STN1: variants seen among roughly 807,000 people sequenced by gnomAD.
The protein encoded by STN1 is STN1 subunit of CST complex.
A neutral mutation model predicts 45.5 loss-of-function variants in STN1; 29 were observed. The ratio of observed to expected loss-of-function variants is 0.64; its 90% CI spans 0.47 to 0.87. The LOEUF is 0.87. Ranked by LOEUF, STN1 falls within the 40% of genes least tolerant of loss-of-function variation. The pLI is 0.00. For missense variants in STN1, 376 were observed against 441.4 expected (o/e 0.85, Z 1.33); for synonymous variants, 148 against 159.0 (o/e 0.93, Z 0.52).
intron 4 of STN1, among the ~76,000 whole-genome samples, chr10:103,903,963 A>G (rs1263616096): frequency 2.0e-5 from 3 of 152,190 alleles, no homozygotes; most frequent in Non-Finnish European, 2.9e-5. Flanking sequence ...CCAAAGTTAC[A>G]TGAAACTGAT....
intron 4 of STN1, among the ~76,000 whole-genome samples, chr10:103,903,589 G>A (rs1843223310): frequency 1.3e-5 from 2 of 152,100 alleles, no homozygotes; most frequent in South Asian, 4.1e-4. Flanking sequence ...GCCATGTGAG[G>A]AACAGTTCTC....
Position 103,882,753 on chromosome 10 carries a change from T to G in STN1, c.1038A>C (p.Gln346His), listed in dbSNP as rs1843077544. The G allele has an allele frequency of 6.2e-7, 1 of 1,614,202 alleles. No homozygotes were observed. Among genetic ancestry groups the G allele is most frequent in the Non-Finnish European group, 8.5e-7 (1 of 1,180,042 alleles). ...TCTGGTCCTCCAGGAGCTCCAGAAC[T>G]TGCTGCAGCACAGCCTCGCTCAGGC... ...RPGLSEAVLQ[Q>H]VLELLEDQSD... is the part of the protein sequence containing the mutation. Residue 346 changes from glutamine to histidine, a missense_variant, in exon 10 of 10, where the codon CAA becomes CAC. Gln to His is a conservative substitution (Grantham distance 24, BLOSUM62 0). Coordinates refer to ENST00000224950, the MANE Select transcript of STN1 (RefSeq NM_024928.5).
At chr10:103,914,374 A>ATATAT (rs1554837551) in intron 2 of STN1, among the ~76,000 whole-genome samples, 6 of 97,364 alleles carry the variant, frequency 6.2e-5, no homozygotes, top group African/African-American at 2.9e-4. Flanking sequence ...ATATATATAT[A>ATATAT]TTTTTTTTTT....
rs1843178655 is a variant in STN1 at position 103,897,555 on chromosome 10, G to C, written c.746C>G (p.Ser249Cys). ...TGGGCATGCTGCACTCACTTGGTCG[G>C]AGGAGGCACTGTGAATCACAGGCTG... ...ANQPVIHSAS[S>C]DQVNFKKDTT... is the part of the protein sequence containing the mutation. Residue 249 changes from serine to cysteine, a missense_variant, in exon 7 of 10, where the codon TCC becomes TGC. Physicochemically the swap from Ser to Cys is moderately radical, Grantham distance 112. Transcript: ENST00000224950. 6.2e-7 allele frequency: 1 copy of C among 1,613,880 alleles called. No homozygotes were observed. The highest frequency in any genetic ancestry group is 8.5e-7 in the Non-Finnish European group (1 of 1,179,932).
rs71019699 is a variant in STN1, at chr10:103,900,730, A to ACTCTCT, written c.296-513_296-508dup. On this transcript the variant is annotated intron_variant, in intron 4 of 9. Coordinates refer to ENST00000224950, the MANE Select transcript of STN1 (RefSeq NM_024928.5). Reference sequence around the variant, plus strand: ...CTCTCTCTCACACACACACACACACACTCTCTCTCTCTCTCACACTTTCTC... The same window carrying ACTCTCT: ...CTCTCTCTCACACACACACACACACACTCTCTCTCTCTCTCTCTCTCACACTTTCTC... 2.4e-3 allele frequency among the ~76,000 whole-genome samples: 353 copies of ACTCTCT among 146,184 alleles called. 1 individual carries two copies. Among genetic ancestry groups the ACTCTCT allele is most frequent in the East Asian group, 6.0e-3 (30 of 4,980 alleles).
intron 3 of STN1, among the ~76,000 whole-genome samples, chr10:103,909,985 T>C (rs967368414): frequency 6.6e-6 from 1 of 152,216 alleles, no homozygotes; most frequent in Non-Finnish European, 1.5e-5. Context: ...GTCCAAAATA[T>C]AGAAACCCTT....
chr10:103,899,571 C>A (rs1235996064), intron 5 of STN1, among the ~76,000 whole-genome samples: 1 of 151,864 alleles, frequency 6.6e-6, no homozygotes, highest in Non-Finnish European at 1.5e-5. Context: ...CCTGTAGTTC[C>A]AGCTACTCAG....
At chr10:103,897,432 C>G in intron 7 of STN1, 116 bp downstream of exon 7, 1 of 917,438 alleles carries the variant, frequency 1.1e-6, no homozygotes, top group Non-Finnish European at 1.7e-6. Context: ...GAACCATTCC[C>G]TCCGTTCCCT....
At position 103,880,318 on chromosome 10, in the gene STN1, G is replaced by C. The variant is rs191401995; in HGVS notation, c.*2366C>G. Among the ~76,000 whole-genome samples the C allele has an allele frequency of 6.6e-6, 1 of 152,220 alleles. No individual in the cohort carries two copies. Among genetic ancestry groups the C allele is most frequent in the Non-Finnish European group, 1.5e-5 (1 of 68,042 alleles). ...GGTATTACTGGAAAAGGCAACATTCGATTGGTTAAGGCGTTATTCAGAAAG... is the reference window on the plus strand; with the variant it reads ...GGTATTACTGGAAAAGGCAACATTCCATTGGTTAAGGCGTTATTCAGAAAG... On this transcript the variant is annotated 3_prime_UTR_variant, in exon 10 of 10. Coordinates refer to ENST00000224950, the MANE Select transcript of STN1 (RefSeq NM_024928.5).
rs184055304 is a variant in STN1, at chr10:103,905,169, A to C, written c.230-13T>G. The C allele has an allele frequency of 3.6e-4, 582 of 1,613,140 alleles. 2 individuals are homozygous for C. The highest frequency in any genetic ancestry group is 4.6e-4 in the Non-Finnish European group (548 of 1,179,076). ...GTGCTGTCATCCACTGCAAGAGAAA[A>C]GCAAAAGGGTATAAGAGAGATTTGG... On this transcript the variant is annotated splice_polypyrimidine_tract_variant and intron_variant, in intron 3 of 9. Transcript: ENST00000224950.
rs540433383 is a variant in STN1, at chr10:103,885,045, G to T, written c.950-2204C>A. Among the ~76,000 whole-genome samples the T allele has an allele frequency of 2.0e-4, 31 of 152,250 alleles. No individual in the cohort carries two copies. The South Asian group carries it at 6.0e-3, about 30-fold the overall frequency. ...GCTGCCACTGGAGTCCACCACACCA[G>T]AATTCAAGCCCTGGCTCTACAACTG... On this transcript the variant is annotated intron_variant, in intron 9 of 9. Transcript: ENST00000224950.
intron 3 of STN1, among the ~76,000 whole-genome samples, chr10:103,907,611 C>T (rs536304852): frequency 6.6e-6 from 1 of 152,184 alleles, no homozygotes; most frequent in East Asian, 1.9e-4. Flanking sequence ...CACCCAAACA[C>T]TGACATTGTT....
At chr10:103,892,301 C>G in intron 7 of STN1, 49 bp from the exon 8 acceptor site, 1 of 1,537,096 alleles carries the variant, frequency 6.5e-7, no homozygotes, top group East Asian at 2.3e-5. Flanking sequence ...TCTCACCTTA[C>G]GGCACCTGAG....
At chr10:103,898,087 T>C (rs1041658901) in intron 6 of STN1, among the ~76,000 whole-genome samples, 7 of 152,214 alleles carry the variant, frequency 4.6e-5, no homozygotes, top group Non-Finnish European at 8.8e-5. Flanking sequence ...ACATTGGTAA[T>C]CTCTGGGGAA....
chr10:103,894,474 C>T (rs962578593), intron 7 of STN1, among the ~76,000 whole-genome samples: 1 of 152,116 alleles, frequency 6.6e-6, no homozygotes, highest in Non-Finnish European at 1.5e-5. Flanking sequence ...TAAATATAAA[C>T]AATACTTGAA....
chr10:103,907,539 G>C (rs1843249881), intron 3 of STN1, among the ~76,000 whole-genome samples: 1 of 152,096 alleles, frequency 6.6e-6, no homozygotes, highest in Non-Finnish European at 1.5e-5. Context: ...ATAGTACTAA[G>C]GAAATAGGCA....
chr10:103,891,998 G>A (rs549678554), intron 8 of STN1, 132 bp downstream of exon 8: 4 of 747,216 alleles, frequency 5.4e-6, no homozygotes, highest in Non-Finnish European at 8.2e-6. Context: ...GAAGGATAAG[G>A]GCCAACTTTC....
At chr10:103,903,711 A>C (rs1843223913) in intron 4 of STN1, among the ~76,000 whole-genome samples, 1 of 152,230 alleles carries the variant, frequency 6.6e-6, no homozygotes, top group South Asian at 2.1e-4. Context: ...ACTATGAGAA[A>C]TAAATTTCTT....
At chr10:103,907,487 T>G (rs1241572618) in intron 3 of STN1, among the ~76,000 whole-genome samples, 1 of 152,198 alleles carries the variant, frequency 6.6e-6, no homozygotes, top group East Asian at 1.9e-4. Flanking sequence ...ATACGTTGAC[T>G]GTAAGCCTAA....
Sources: gnomAD v4.1 joint callset for allele counts (sites outside exome capture counted in the v4.1 genomes callset) on GRCh38, gnomAD v4.1.1 for gene constraint, MANE v1.5 for transcripts, NCBI Gene and HGNC (gene_info 2026-07-23, HGNC 2026-07-21) for gene names.